The following MAGI2 variants were observed in gnomAD, a reference collection of about 807,000 sequenced individuals.
The protein encoded by MAGI2 is membrane-associated guanylate kinase, WW and PDZ domain-containing protein 2.
MAGI2 carries 35 observed loss-of-function variants against 133.3 expected under a neutral mutation model. That is an observed-to-expected ratio of 0.26 (90% CI 0.20 to 0.35). MAGI2 has a LOEUF of 0.35. MAGI2 is among the 10% of genes least tolerant of loss of function. The probability of loss-of-function intolerance (pLI) is 1.00; values close to 1 mark genes in which losing one functional copy is unlikely to be tolerated. For synonymous variants in MAGI2, 729 were observed against 710.6 expected (o/e 1.03, Z -0.41); for missense variants, 1,636 against 1,863.4 (o/e 0.88, Z 2.25).
At chr7:78,813,372 T>C (rs2151413120) in intron 2 of MAGI2, among the ~76,000 whole-genome samples, 1 of 152,302 alleles carries the variant, frequency 6.6e-6, no homozygotes, top group African/African-American at 2.4e-5. Flanking sequence ...GCTGGGAATG[T>C]AAGACTAGTT....
At chr7:78,709,260 T>A (rs940386221) in intron 2 of MAGI2, among the ~76,000 whole-genome samples, 1 of 151,434 alleles carries the variant, frequency 6.6e-6, no homozygotes, top group Admixed American at 6.6e-5. Context: ...GGCCTCCCTG[T>A]CCCCACCTGC....
chr7:78,878,947 A>T (rs1183122372), intron 2 of MAGI2, among the ~76,000 whole-genome samples: 2 of 152,164 alleles, frequency 1.3e-5, no homozygotes, highest in Non-Finnish European at 2.9e-5. Context: ...CTGGATCAGC[A>T]GCCTGATTCA....
intron 21 of MAGI2, among the ~76,000 whole-genome samples, chr7:78,041,708 C>A (rs1810866362): frequency 6.6e-6 from 1 of 152,074 alleles, no homozygotes; most frequent in Admixed American, 6.6e-5. Flanking sequence ...AAAACCAAAA[C>A]AAAAGGCTGG....
intron 1 of MAGI2, among the ~76,000 whole-genome samples, chr7:79,448,607 G>A (rs1374848186): frequency 6.6e-6 from 1 of 152,050 alleles, no homozygotes; most frequent in African/African-American, 2.4e-5. Context: ...ATTAAAACTA[G>A]GTGGTCTACT....
intron 1 of MAGI2, among the ~76,000 whole-genome samples, chr7:79,174,877 T>C (rs1051983838): frequency 6.6e-6 from 1 of 151,792 alleles, no homozygotes; most frequent in Admixed American, 6.6e-5. Flanking sequence ...CAAGAACTAT[T>C]GGAAAAGATA....
At chr7:78,702,473 A>G (rs1328207213) in intron 2 of MAGI2, among the ~76,000 whole-genome samples, 5 of 151,974 alleles carry the variant, frequency 3.3e-5, no homozygotes, top group African/African-American at 1.2e-4. Flanking sequence ...ATGTTACTTA[A>G]CTTTGAAATG....
chr7:78,473,232 C>T (rs1791409774), intron 6 of MAGI2, among the ~76,000 whole-genome samples: 1 of 152,054 alleles, frequency 6.6e-6, no homozygotes, highest in Non-Finnish European at 1.5e-5. Flanking sequence ...CATTACTTAG[C>T]TATTTTTCAA....
intron 2 of MAGI2, among the ~76,000 whole-genome samples, chr7:78,977,242 A>G (rs111921866): frequency 3.9e-4 from 59 of 151,826 alleles, no homozygotes; most frequent in African/African-American, 1.3e-3. Flanking sequence ...AAGAGAACAC[A>G]TCACATATAG....
chr7:78,311,671 GAT>G (rs1185611438), intron 9 of MAGI2, among the ~76,000 whole-genome samples: 33 of 152,234 alleles, frequency 2.2e-4, no homozygotes, highest in African/African-American at 7.0e-4. Context: ...GATCAATAGA[GAT>G]AAAATATCTT....
rs536008644 is a variant in MAGI2, at chr7:78,257,487, A to G, written c.1409-906T>C. Among the ~76,000 whole-genome samples the G allele has an allele frequency of 1.6e-4, 24 of 152,336 alleles. No homozygotes were observed. In the East Asian group the frequency reaches 4.6e-3, roughly 29 times the overall value. ...ACTTGTCCTTTCTCCCCAGTGAACT[A>G]TCACAGATTTTCAGAGGTCTACTGG... is the stretch of plus-strand genomic sequence containing the variant. On this transcript the variant is annotated intron_variant, in intron 9 of 21. Transcript: ENST00000354212.
At chr7:79,279,715 T>C (rs1835487112) in intron 1 of MAGI2, among the ~76,000 whole-genome samples, 1 of 152,190 alleles carries the variant, frequency 6.6e-6, no homozygotes, top group South Asian at 2.1e-4. Context: ...GTAGGGCATC[T>C]GTTTTTCTCA....
At chr7:78,909,551 C>T (rs1377539634) in intron 2 of MAGI2, among the ~76,000 whole-genome samples, 4 of 146,340 alleles carry the variant, frequency 2.7e-5, no homozygotes, top group South Asian at 4.3e-4. Flanking sequence ...TGCAGTGAGC[C>T]GACATCATGC....
At chr7:79,320,437 T>A (rs954262932) in intron 1 of MAGI2, among the ~76,000 whole-genome samples, 1 of 152,118 alleles carries the variant, frequency 6.6e-6, no homozygotes, top group Admixed American at 6.6e-5. Flanking sequence ...TTGCCCTTCA[T>A]AGGTGTAACA....
At chr7:79,085,672 G>C (rs1038559696) in intron 1 of MAGI2, among the ~76,000 whole-genome samples, 14 of 151,998 alleles carry the variant, frequency 9.2e-5, no homozygotes, top group African/African-American at 3.1e-4. Flanking sequence ...AGTTCATTGA[G>C]TATCTTTCCT....
In MAGI2 at chr7:79,360,480, A is replaced by G. The variant is rs116437594; in HGVS notation, c.301+92540T>C. Reference sequence around the variant, plus strand: ...AAGCTGTAACATAGGTACGTACACTATATCAATTTTTCTCATGAATTTATA... The same window carrying G: ...AAGCTGTAACATAGGTACGTACACTGTATCAATTTTTCTCATGAATTTATA... On this transcript the variant is annotated intron_variant, in intron 1 of 21. Transcript: ENST00000354212. 8.5e-3 allele frequency among the ~76,000 whole-genome samples: 1,288 copies of G among 152,242 alleles called. 11 individuals carry two copies. The highest frequency in any genetic ancestry group is 0.03 in the African/African-American group (1,235 of 41,536).
intron 2 of MAGI2, among the ~76,000 whole-genome samples, chr7:78,723,892 G>A (rs1332836188): frequency 1.3e-5 from 2 of 152,134 alleles, no homozygotes; most frequent in Non-Finnish European, 2.9e-5. Flanking sequence ...AGGCAAAACA[G>A]AACATGACGA....
intron 2 of MAGI2, among the ~76,000 whole-genome samples, chr7:78,666,340 A>C (rs1210505418): frequency 6.6e-6 from 1 of 152,192 alleles, no homozygotes; most frequent in African/African-American, 2.4e-5. Context: ...AAGTAAGACT[A>C]GAACTGTGTA....
intron 2 of MAGI2, among the ~76,000 whole-genome samples, chr7:78,931,963 T>C (rs1800156528): frequency 6.7e-6 from 1 of 148,600 alleles, no homozygotes; most frequent in Non-Finnish European, 1.5e-5. Flanking sequence ...ATTCCACACC[T>C]GACGTCCTGT....
At chr7:78,392,043 G>A (rs975642572) in intron 6 of MAGI2, among the ~76,000 whole-genome samples, 17 of 152,136 alleles carry the variant, frequency 1.1e-4, no homozygotes, top group African/African-American at 4.1e-4. Flanking sequence ...CAGACACATC[G>A]TTTCGACTCT....
Sources: allele counts gnomAD v4.1 joint callset (sites outside exome capture counted in the v4.1 genomes callset), GRCh38; gene constraint gnomAD v4.1.1; transcripts MANE v1.5; gene names NCBI Gene and HGNC (gene_info 2026-07-23, HGNC 2026-07-21).